Variants in CCDC196 observed in about 807,000 individuals in gnomAD.
The protein encoded by CCDC196 is coiled-coil domain-containing protein 196.
chr14:66,494,278 T>C (rs2057610918), intron 8 of CCDC196, among the ~76,000 whole-genome samples: 1 of 152,214 alleles, frequency 6.6e-6, no homozygotes, highest in Non-Finnish European at 1.5e-5. Context: ...TCAAACTCTA[T>C]AGGTTTGTTT....
At chr14:66,488,747 A>G (rs1239788333) in intron 3 of CCDC196, among the ~76,000 whole-genome samples, 1 of 152,100 alleles carries the variant, frequency 6.6e-6, no homozygotes, top group Non-Finnish European at 1.5e-5. Flanking sequence ...ATACTGTCTC[A>G]CAATTATTAT....
At chr14:66,493,258 A>C (rs1339189965) in intron 8 of CCDC196, among the ~76,000 whole-genome samples, 1 of 152,232 alleles carries the variant, frequency 6.6e-6, no homozygotes, top group Non-Finnish European at 1.5e-5. Flanking sequence ...AAGGGAAAAT[A>C]AGTTGAAGCC....
intron 2 of CCDC196, among the ~76,000 whole-genome samples, 155 bp from the exon 3 acceptor site, chr14:66,488,005 T>TA (rs1345429495): frequency 6.6e-6 from 1 of 152,180 alleles, no homozygotes; most frequent in Admixed American, 6.5e-5. Flanking sequence ...ACATCTTAGT[T>TA]ACAGAGATCT....
At chr14:66,493,468 T>G (rs1208258434) in intron 8 of CCDC196, among the ~76,000 whole-genome samples, 2 of 152,164 alleles carry the variant, frequency 1.3e-5, no homozygotes, top group African/African-American at 4.8e-5. Flanking sequence ...GTCCATATAA[T>G]GGGGGCAGGA....
At chr14:66,489,333 T>A (rs908479347) in intron 4 of CCDC196, among the ~76,000 whole-genome samples, 1 of 152,232 alleles carries the variant, frequency 6.6e-6, no homozygotes, top group Admixed American at 6.5e-5. Flanking sequence ...TGCCACTGGC[T>A]TCTTGTGGTT....
chr14:66,497,383 G>A (rs542027060), intron 8 of CCDC196, among the ~76,000 whole-genome samples: 207 of 152,150 alleles, frequency 1.4e-3, no homozygotes, highest in Non-Finnish European at 2.4e-3. Flanking sequence ...ATTTTAATGG[G>A]TGACAACAGA....
intron 8 of CCDC196, 58 bp from the exon 9 acceptor site, chr14:66,498,051 G>GC: frequency 2.8e-6 from 1 of 353,134 alleles, no homozygotes; most frequent in Non-Finnish European, 5.3e-6. Flanking sequence ...AAAACTAGTG[G>GC]TTTTTTTTTT....
intron 8 of CCDC196, among the ~76,000 whole-genome samples, chr14:66,495,282 C>T (rs1364779759): frequency 6.6e-6 from 1 of 152,106 alleles, no homozygotes; most frequent in Non-Finnish European, 1.5e-5. Context: ...GAGTTGCAGG[C>T]CTTCCTCTGA....
At position 66,489,313 on chromosome 14, in the gene CCDC196, T is replaced by A. The variant is rs2057484204; in HGVS notation, c.351+276T>A. On this transcript the variant is annotated intron_variant, in intron 4 of 9. Transcript: ENST00000636229. The stretch of plus-strand genomic sequence containing the variant: ...TCATAGATGTCCTTCCCTTGCTTTC[T>A]ATGCAACCATGCCACTGGCTTCTTG... Among the ~76,000 whole-genome samples, 3 of 152,256 alleles carry A rather than the reference T, an allele frequency of 2.0e-5. 1 individual carries two copies. The South Asian group carries it at 6.2e-4, about 31-fold the overall frequency.
In CCDC196 at chr14:66,492,064, T is replaced by C. The variant is rs2057552763; in HGVS notation, c.585T>C (p.His195=). 4 of 413,374 alleles carry C rather than the reference T, an allele frequency of 9.7e-6. No homozygotes were observed. Among genetic ancestry groups the C allele is most frequent in the Admixed American group, 4.4e-5 (1 of 22,728 alleles). The allele number at this position is 413,374 out of a possible 1,614,324, so 25.6% of individuals were successfully genotyped here. ...EQNNILQNDF[H]GKVIELRIEA... is the part of the protein sequence containing the mutation. ...ATATTCTCTTTCAGAATGATTTTCA[T>C]GGCAAAGTGATTGAGCTGAGAATTG... The change falls in exon 8 of 10, where the codon CAT becomes CAC. Residue 195 remains histidine (H), a synonymous_variant. Transcript: ENST00000636229.
intron 8 of CCDC196, among the ~76,000 whole-genome samples, chr14:66,493,483 G>C (rs1399790341): frequency 1.3e-5 from 2 of 152,154 alleles, no homozygotes; most frequent in African/African-American, 4.8e-5. Context: ...GCAGGACATT[G>C]TTTGTGTGAT....
intron 8 of CCDC196, chr14:66,496,268 A>G (rs2057663207): frequency 2.2e-6 from 1 of 456,080 alleles, no homozygotes. Context: ...TTACCTCAGT[A>G]CTCTTAGCCA....
chr14:66,496,159 C>T (rs2057660840), intron 8 of CCDC196: 1 of 410,784 alleles, frequency 2.4e-6, no homozygotes, highest in Non-Finnish European at 4.9e-6. Flanking sequence ...TTGCACAAAC[C>T]TGTCTTAGAG....
At chr14:66,494,455 T>C (rs1371696494) in intron 8 of CCDC196, among the ~76,000 whole-genome samples, 1 of 152,232 alleles carries the variant, frequency 6.6e-6, no homozygotes, top group African/African-American at 2.4e-5. Flanking sequence ...GGTAATAATT[T>C]CTTAATGGTA....
rs746927671 is a variant in CCDC196 at position 66,498,545 on chromosome 14, C to T, written c.*73C>T. 2.7e-5 allele frequency: 11 copies of T among 409,164 alleles called. No individual in the cohort carries two copies. Among genetic ancestry groups the T allele is most frequent in the Middle Eastern group, 6.2e-4 (1 of 1,602 alleles). The allele number at this position is 409,164 out of a possible 1,614,324, so 25.3% of individuals were successfully genotyped here. On this transcript the variant is annotated 3_prime_UTR_variant, in exon 10 of 10. Coordinates refer to ENST00000636229, the MANE Select transcript of CCDC196 (RefSeq NM_001351576.1). The stretch of plus-strand genomic sequence containing the variant: ...GCCATTTGTGTTAATTAAAATCTCT[C>T]GCACCTTTGTTTTAGTGCTGTTTTC...
rs1048628926 is a variant in CCDC196, at chr14:66,491,658, G to A, written c.546G>A (p.Lys182=). Reference sequence around the variant, plus strand: ...AACAGAGGAAAATGGAATGGGTCAAGTATCAGGAACAAAATAACATCCTTC... The same window carrying A: ...AACAGAGGAAAATGGAATGGGTCAAATATCAGGAACAAAATAACATCCTTC... ...EKQQRKMEWV[K]YQEQNNILQN... The change falls in exon 7 of 10, where the codon AAG becomes AAA. Residue 182 remains lysine, a synonymous_variant. Transcript: ENST00000636229. 4.8e-6 allele frequency: 2 copies of A among 413,846 alleles called. No individual in the cohort carries two copies. The highest frequency in any genetic ancestry group is 4.1e-5 in the African/African-American group (2 of 48,616). The allele number at this position is 413,846 out of a possible 1,614,324, so 25.6% of individuals were successfully genotyped here.
intron 8 of CCDC196, among the ~76,000 whole-genome samples, chr14:66,494,270 A>T (rs557103050): frequency 6.6e-6 from 1 of 152,340 alleles, no homozygotes; most frequent in East Asian, 1.9e-4. Flanking sequence ...ACATGTATTC[A>T]AACTCTATAG....
In CCDC196 at chr14:66,490,918, G is replaced by A. The variant is rs190971042; in HGVS notation, c.429+99G>A. On this transcript the variant is annotated intron_variant, in intron 5 of 9. Coordinates refer to ENST00000636229, the MANE Select transcript of CCDC196 (RefSeq NM_001351576.1). ...AGGGCTAATTTGGGTAGGCAGATAGGTAGGATCTGGGTTTTTAGGGTTTAT... is the reference window on the plus strand; with the variant it reads ...AGGGCTAATTTGGGTAGGCAGATAGATAGGATCTGGGTTTTTAGGGTTTAT... 114 of 411,702 alleles carry A rather than the reference G, an allele frequency of 2.8e-4. 2 individuals are homozygous for A. Among genetic ancestry groups the A allele is most frequent in the African/African-American group, 2.2e-3 (107 of 48,764 alleles). 25.5% of individuals were successfully genotyped at this position (411,702 alleles called of 1,614,324 possible). A position where few individuals can be genotyped will look rare whatever the true frequency, so the allele number is the denominator to read the frequency against.
At chr14:66,490,622 T>C in intron 4 of CCDC196, 120 bp from the exon 5 acceptor site, 1 of 397,058 alleles carries the variant, frequency 2.5e-6, no homozygotes. Context: ...AGTACACTTT[T>C]CATGCCAGGC....
Sources: gnomAD v4.1 joint callset for allele counts (sites outside exome capture counted in the v4.1 genomes callset) on GRCh38, gnomAD v4.1.1 for gene constraint, MANE v1.5 for transcripts, NCBI Gene and HGNC (gene_info 2026-07-23, HGNC 2026-07-21) for gene names.